Variants in MYL10 observed in about 807,000 individuals in gnomAD.
MYL10 encodes myosin light chain 10.
MYL10 carries 18 observed loss-of-function variants against 21.9 expected under a neutral mutation model. That is an observed-to-expected ratio of 0.82 (90% confidence interval 0.57 to 1.22). The LOEUF (loss-of-function observed/expected upper bound fraction) is 1.22, where lower values mean the gene tolerates loss of function less well. Among genes scored for constraint, MYL10 ranks in the 50% most tolerant of loss-of-function variants. The pLI, the probability that MYL10 is intolerant of heterozygous loss-of-function variation, is 0.00. For missense variants in MYL10, 225 were observed against 230.4 expected (o/e 0.98, Z 0.15); for synonymous variants, 88 against 82.8 (o/e 1.06, Z -0.34).
chr7:101,620,356 T>C (rs921718372), intron 5 of MYL10, among the ~76,000 whole-genome samples: 15 of 150,734 alleles, frequency 1.0e-4, no homozygotes, highest in Non-Finnish European at 1.5e-4. Flanking sequence ...AAGAGGCAGG[T>C]GGAGGGAGGT....
At chr7:101,624,415 C>G (rs530842481) in intron 1 of MYL10, 151 bp from the exon 2 acceptor site, 7 of 597,698 alleles carry the variant, frequency 1.2e-5, no homozygotes, top group South Asian at 1.0e-4. Flanking sequence ...ACCCCTGAAG[C>G]CTTGCAGGTA....
At chr7:101,628,146 G>A (rs945026783) in intron 1 of MYL10, among the ~76,000 whole-genome samples, 8 of 152,172 alleles carry the variant, frequency 5.3e-5, no homozygotes, top group Admixed American at 6.5e-5. Context: ...AACAGAGAAA[G>A]CAACAGGACA....
rs913459092 is a variant in MYL10 at position 101,624,012 on chromosome 7, G to A, written c.181C>T (p.Leu61=). 1.6e-6 allele frequency: 1 copy of A among 622,564 alleles called. No individual in the cohort carries two copies. Among genetic ancestry groups the A allele is most frequent in the Non-Finnish European group, 2.9e-6 (1 of 350,608 alleles). The allele number at this position is 622,564 out of a possible 1,614,324, so 38.6% of individuals were successfully genotyped here. ...CCATTGCGCTCCAGCCTGGGCGACAGAGCCAGACTCTGTCAAACAAACAAA... is the reference window on the plus strand; with the variant it reads ...CCATTGCGCTCCAGCCTGGGCGACAAAGCCAGACTCTGTCAAACAAACAAA... ...QIQEFKESLA[L]SPRLERNGMI... is the part of the protein sequence containing the mutation. Residue 61 remains leucine (L), a synonymous_variant, in exon 3 of 8, where the codon CTG becomes TTG. Coordinates refer to ENST00000223167, the MANE Select transcript of MYL10 (RefSeq NM_138403.5).
intron 1 of MYL10, among the ~76,000 whole-genome samples, chr7:101,627,326 T>TCAGGGGCAGGGG (rs11269989): frequency 0.24 from 26,149 of 108,922 alleles, 3,828 homozygotes; most frequent in Non-Finnish European, 0.32. Context: ...CGGAGTGAGG[T>TCAGGGGCAGGGG]CAGGGGCAGG....
At chr7:101,628,977 G>A (rs1358164607) in intron 1 of MYL10, 64 bp downstream of exon 1, 1 of 448,104 alleles carries the variant, frequency 2.2e-6, no homozygotes, top group Non-Finnish European at 4.4e-6. Context: ...GGCACGCATG[G>A]GTTAAGTCAC....
chr7:101,627,958 G>A (rs1796766441), intron 1 of MYL10, among the ~76,000 whole-genome samples: 1 of 152,184 alleles, frequency 6.6e-6, no homozygotes, highest in South Asian at 2.1e-4. Context: ...CCCTCTAGGA[G>A]GCTCAGCCAT....
intron 5 of MYL10, among the ~76,000 whole-genome samples, chr7:101,617,898 G>A (rs1474884319): frequency 7.1e-6 from 1 of 141,200 alleles, no homozygotes; most frequent in African/African-American, 2.6e-5. Flanking sequence ...TCAGAGCCAA[G>A]TGTGCTTCCC....
rs1159401704 is a variant in MYL10 at position 101,624,240 on chromosome 7, C to T, written c.103G>A (p.Ala35Thr). 1.2e-6 allele frequency: 2 copies of T among 1,613,594 alleles called. No homozygotes were observed. The highest frequency in any genetic ancestry group is 1.7e-6 in the Non-Finnish European group (2 of 1,179,900). ...ACGTTGGAGCTGGCGGTGCCTTCTGCTCTTTTCCGAGCTCTTCTCGGTGCC... is the reference window on the plus strand; with the variant it reads ...ACGTTGGAGCTGGCGGTGCCTTCTGTTCTTTTCCGAGCTCTTCTCGGTGCC... ...LQAPRRARKR[A>T]EGTASSNVFS... The change falls in exon 2 of 8, where the codon GCA becomes ACA. Residue 35 changes from alanine to threonine, a missense_variant. Transcript: ENST00000223167.
intron 6 of MYL10, 149 bp from the exon 7 acceptor site, chr7:101,613,859 C>T (rs570172969): frequency 1.2e-5 from 9 of 727,952 alleles, no homozygotes; most frequent in African/African-American, 3.5e-5. Context: ...CCAGCCCCCC[C>T]GATGGCCAAG....
Position 101,629,130 on chromosome 7 carries a change from G to A in MYL10, c.-12C>T. ...AGCCTAAGCAACATGGTGAAACTCT[G>A]TTTCTACAAAAAAATTTTTTTTAAT... On this transcript the variant is annotated 5_prime_UTR_variant, in exon 1 of 8. Transcript: ENST00000223167. 3.0e-6 allele frequency: 1 copy of A among 336,842 alleles called. No homozygotes were observed. The highest frequency in any genetic ancestry group is 2.1e-5 in the South Asian group (1 of 46,598). The allele number at this position is 336,842 out of a possible 1,614,324, so 20.9% of individuals were successfully genotyped here. A position where few individuals can be genotyped will look rare whatever the true frequency, so the allele number is the denominator to read the frequency against.
At chr7:101,625,508 T>TC (rs1796733119) in intron 1 of MYL10, among the ~76,000 whole-genome samples, 1 of 141,258 alleles carries the variant, frequency 7.1e-6, no homozygotes, top group Admixed American at 7.1e-5. Flanking sequence ...AGCAGAGGAG[T>TC]CCCCTCATCC....
Position 101,622,102 on chromosome 7 carries a change from G to T in MYL10, c.448C>A (p.Leu150Met). Residue 150 changes from leucine to methionine, a missense_variant, in exon 5 of 8, where the codon CTG becomes ATG. By Grantham distance (15) the Leu-to-Met change is conservative. Transcript: ENST00000223167. ...CTCCAGGAGCCTGGCTCACCCTTCA[G>T]CTTCTCCCCAAACATGGTCAGGAAC... ...TVFLTMFGEK[L>M]KGTDPEETIL... The T allele has an allele frequency of 6.2e-7, 1 of 1,613,422 alleles. No individual in the cohort carries two copies. Among genetic ancestry groups the T allele is most frequent in the Non-Finnish European group, 8.5e-7 (1 of 1,179,472 alleles).
At chr7:101,618,391 A>G (rs550170680) in intron 5 of MYL10, among the ~76,000 whole-genome samples, 2 of 152,254 alleles carry the variant, frequency 1.3e-5, no homozygotes, top group South Asian at 4.1e-4. Context: ...CCCAGGTTTC[A>G]CTGATTAGTT....
rs147592822 is a variant in MYL10 at position 101,613,486 on chromosome 7, C to T, written c.670G>A (p.Glu224Lys). 6.2e-7 allele frequency: 1 copy of T among 1,614,032 alleles called. No individual in the cohort carries two copies. The highest frequency in any genetic ancestry group is 8.5e-7 in the Non-Finnish European group (1 of 1,179,876). The change falls in exon 8 of 8, where the codon GAG becomes AAG. Residue 224 changes from glutamate to lysine, a missense_variant. Transcript: ENST00000223167. ...NLCYVITHGEEKD is the reference protein window; with the variant it reads ...NLCYVITHGEKKD ...AGACTTGTGATCCCCTAATCCTTCT[C>T]TTCACCGTGAGTGATGACGTAGCAC... is the stretch of plus-strand genomic sequence containing the variant.
intron 5 of MYL10, among the ~76,000 whole-genome samples, chr7:101,618,558 C>T (rs922707423): frequency 3.3e-5 from 5 of 152,186 alleles, no homozygotes; most frequent in Non-Finnish European, 7.4e-5. Context: ...TTCTCTCCTC[C>T]CCAGAAAGAG....
At position 101,624,282 on chromosome 7, in the gene MYL10, A is replaced by T. The variant is rs772118821; in HGVS notation, c.79-18T>A. The T allele has an allele frequency of 2.5e-6, 4 of 1,602,764 alleles. No individual in the cohort carries two copies. In the African/African-American group the frequency reaches 5.4e-5, roughly 22 times the overall value. On this transcript the variant is annotated intron_variant, in intron 1 of 7. Transcript: ENST00000223167. Reference sequence around the variant, plus strand: ...CTCGGTGCCTGCGAGGTAGCAGACAAGGCCTTGCAGCGGCCCCTGCCTCGA... The same window carrying T: ...CTCGGTGCCTGCGAGGTAGCAGACATGGCCTTGCAGCGGCCCCTGCCTCGA...
At chr7:101,622,926 C>G (rs1796697879) in intron 4 of MYL10, 71 bp downstream of exon 4, 1 of 1,443,862 alleles carries the variant, frequency 6.9e-7, no homozygotes, top group African/African-American at 1.4e-5. Context: ...GAGCCCTGCC[C>G]TGCTGGCCCC....
chr7:101,627,024 G>C (rs1429867951), intron 1 of MYL10, among the ~76,000 whole-genome samples: 1 of 152,088 alleles, frequency 6.6e-6, no homozygotes, highest in African/African-American at 2.4e-5. Context: ...GGGCGCTGTG[G>C]CTCACGCCTG....
intron 3 of MYL10, 129 bp from the exon 4 acceptor site, chr7:101,623,201 A>C: frequency 1.4e-6 from 1 of 716,972 alleles, no homozygotes; most frequent in Non-Finnish European, 2.4e-6. Context: ...CCCAGCTGGG[A>C]TGGGCTCCAT....
Sources: allele counts gnomAD v4.1 joint callset (sites outside exome capture counted in the v4.1 genomes callset), GRCh38; gene constraint gnomAD v4.1.1; transcripts MANE v1.5; gene names NCBI Gene and HGNC (gene_info 2026-07-23, HGNC 2026-07-21).